Variants in FREM2 observed in about 807,000 individuals in gnomAD.
FREM2 encodes FRAS1-related extracellular matrix protein 2.
FREM2 carries 119 observed loss-of-function variants against 219.9 expected under a neutral mutation model. The observed-to-expected ratio is 0.54, with a 90% CI of 0.47 to 0.63. The LOEUF (loss-of-function observed/expected upper bound fraction) is 0.63. FREM2 is among the 30% of genes least tolerant of loss of function. The pLI is 0.00. For missense variants in FREM2, 4,030 were observed against 3,993.6 expected, an observed-to-expected ratio of 1.01 and a Z score of -0.25; for synonymous variants, 1,562 against 1,522.8, an observed-to-expected ratio of 1.03 and a Z score of -0.60.
rs1352078531 is a variant in FREM2 at position 38,876,046 on chromosome 13, T to A, written c.8306T>A (p.Met2769Lys). The A allele has an allele frequency of 6.2e-7, 1 of 1,613,932 alleles. No individual in the cohort carries two copies. The highest frequency in any genetic ancestry group is 2.2e-5 in the East Asian group (1 of 44,880). Residue 2769 changes from methionine to lysine, a missense_variant, in exon 19 of 24, where the codon ATG (methionine) becomes AAG (lysine). By Grantham distance (95) the Met-to-Lys change is moderately conservative (BLOSUM62 -1). Transcript: ENST00000280481. The part of the protein sequence containing the change: ...HPASFTSSVI[M>K]SADHPGLTFS... Reference sequence around the variant, plus strand: ...GCATCCTTTACAAGCTCAGTGATCATGTCAGCTGATCATCCAGGCCTGACA... The same window carrying A: ...GCATCCTTTACAAGCTCAGTGATCAAGTCAGCTGATCATCCAGGCCTGACA...
In FREM2 at chr13:38,688,376, A is replaced by G; in HGVS notation, c.1032A>G (p.Ala344=). The change falls in exon 1 of 24, where the codon GCA becomes GCG. Residue 344 remains alanine, a synonymous_variant. Transcript: ENST00000280481. ...CGGCCCTGACCCCAGACATGCTGGC[A>G]GCCGAGGATGCTGAGTCTCCCTCTG... ...VLTALTPDML[A]AEDAESPSDL... 1.2e-6 allele frequency: 2 copies of G among 1,614,132 alleles called. No individual in the cohort carries two copies. The highest frequency in any genetic ancestry group is 1.1e-5 in the South Asian group (1 of 91,084).
chr13:38,805,043 A>G (rs547988720), intron 6 of FREM2, among the ~76,000 whole-genome samples: 1 of 152,092 alleles, frequency 6.6e-6, no homozygotes, highest in Non-Finnish European at 1.5e-5. Context: ...TGAGTAACAA[A>G]TAATATGATC....
intron 18 of FREM2, among the ~76,000 whole-genome samples, chr13:38,875,222 A>G (rs1167358826): frequency 6.6e-6 from 1 of 151,506 alleles, no homozygotes; most frequent in African/African-American, 2.4e-5. Flanking sequence ...CCATATTACC[A>G]GTTTAGTAAC....
Position 38,881,541 on chromosome 13 carries a change from T to A in FREM2, c.*754T>A, listed in dbSNP as rs1485053504. 1.3e-5 allele frequency: 2 copies of A among 153,588 alleles called. No individual in the cohort carries two copies. The highest frequency in any genetic ancestry group is 2.9e-5 in the Non-Finnish European group (2 of 68,726). The allele number at this position is 153,588 out of a possible 1,614,324, so 9.5% of individuals were successfully genotyped here. A position where few individuals can be genotyped will look rare whatever the true frequency, so the allele number is the denominator to read the frequency against. ...ATATAGTGAGTAATGGTAGAGCTCTTGCATGGTAATATACCTTATTGGTGC... is the reference window on the plus strand; with the variant it reads ...ATATAGTGAGTAATGGTAGAGCTCTAGCATGGTAATATACCTTATTGGTGC... On this transcript the variant is annotated 3_prime_UTR_variant, in exon 24 of 24. Coordinates refer to ENST00000280481, the MANE Select transcript of FREM2 (RefSeq NM_207361.6).
At chr13:38,837,527 A>G (rs1443102778) in intron 6 of FREM2, among the ~76,000 whole-genome samples, 1 of 152,116 alleles carries the variant, frequency 6.6e-6, no homozygotes, top group African/African-American at 2.4e-5. Flanking sequence ...TCTGTCTAAT[A>G]TTGACAATGG....
intron 1 of FREM2, among the ~76,000 whole-genome samples, chr13:38,693,501 G>C (rs1050007300): frequency 3.3e-5 from 5 of 152,208 alleles, no homozygotes; most frequent in African/African-American, 1.2e-4. Flanking sequence ...GAAGGGAGAA[G>C]CCCATTCACT....
chr13:38,880,748 G>GC lies in FREM2; in HGVS notation c.9476dup (p.Gln3160ThrfsTer6), dbSNP rs1566177559. On this transcript the variant is annotated frameshift_variant, in exon 24 of 24. Transcript: ENST00000280481. LOFTEE classifies it high-confidence loss of function. ...GCTCCAGCAGCAGTGAGCCCATGGT[G>GC]CCCCCACAGAGCCATCACAATGACA... is the stretch of plus-strand genomic sequence containing the variant. 2 of 1,614,150 alleles carry GC rather than the reference G, an allele frequency of 1.2e-6. No homozygotes were observed. The highest frequency in any genetic ancestry group is 1.7e-6 in the Non-Finnish European group (2 of 1,180,034).
chr13:38,800,272 T>G (rs11616637), intron 6 of FREM2, among the ~76,000 whole-genome samples: 69,758 of 152,048 alleles, frequency 0.46, 17,448 homozygotes, highest in Non-Finnish European at 0.56. Context: ...ATCAGCATTT[T>G]CTTATCTAGG....
At chr13:38,861,603 A>C in intron 15 of FREM2, 41 bp downstream of exon 15, 1 of 1,604,186 alleles carries the variant, frequency 6.2e-7, no homozygotes, top group Non-Finnish European at 8.5e-7. Flanking sequence ...ATTGTTTTGG[A>C]CTCCTCATTA....
chr13:38,859,281 C>A lies in FREM2; in HGVS notation c.7216-6C>A. The stretch of plus-strand genomic sequence containing the variant: ...TGTTCCTAACACAGTCATTTGTTTT[C>A]CGTAGGCTTGCAACCCCAAATATTC... On this transcript the variant is annotated splice_region_variant and splice_polypyrimidine_tract_variant and intron_variant, in intron 13 of 23. Transcript: ENST00000280481. 1 of 1,613,920 alleles carries A rather than the reference C, an allele frequency of 6.2e-7. No homozygotes were observed. The highest frequency in any genetic ancestry group is 8.5e-7 in the Non-Finnish European group (1 of 1,179,824).
chr13:38,707,836 C>G (rs1870600355), intron 2 of FREM2, among the ~76,000 whole-genome samples: 1 of 152,182 alleles, frequency 6.6e-6, no homozygotes, highest in Non-Finnish European at 1.5e-5. Context: ...AAGTGCATTG[C>G]ATCACTGCTA....
In FREM2 at chr13:38,690,102, G is replaced by A; in HGVS notation, c.2758G>A (p.Asp920Asn). ...TGATAGCTGCTCCTTGGAAGTCAGTGACAGACATCATGTGGTGCCCATCAC... is the reference window on the plus strand; with the variant it reads ...TGATAGCTGCTCCTTGGAAGTCAGTAACAGACATCATGTGGTGCCCATCAC... ...LTDSCSLEVS[D>N]RHHVVPITLR... The change falls in exon 1 of 24, where the codon GAC becomes AAC. Residue 920 changes from aspartate to asparagine, a missense_variant. Physicochemically the swap from Asp to Asn is conservative, Grantham distance 23 (BLOSUM62 1). Around this residue, in one of 2 missense-constraint regions of FREM2, gnomAD observed 3,102 missense variants for 2,950.7 expected, o/e 1.05. Coordinates refer to ENST00000280481, the MANE Select transcript of FREM2 (RefSeq NM_207361.6). 1 of 1,614,132 alleles carries A rather than the reference G, an allele frequency of 6.2e-7. No individual in the cohort carries two copies. The highest frequency in any genetic ancestry group is 8.5e-7 in the Non-Finnish European group (1 of 1,180,042).
At chr13:38,850,819 C>T in intron 9 of FREM2, 125 bp from the exon 10 acceptor site, 1 of 1,055,370 alleles carries the variant, frequency 9.5e-7, no homozygotes, top group East Asian at 2.4e-5. Context: ...TTATTGCATG[C>T]CAAACACTAT....
Position 38,754,892 on chromosome 13 carries a change from G to GATTATTATTATT in FREM2, c.5264-9410_5264-9409insTATTATTATTAT, listed in dbSNP as rs1380525716. Among the ~76,000 whole-genome samples, 288 of 76,676 alleles carry GATTATTATTATT rather than the reference G, an allele frequency of 3.8e-3. 1 individual carries two copies. Among genetic ancestry groups the GATTATTATTATT allele is most frequent in the African/African-American group, 9.2e-3 (191 of 20,866 alleles). 50.3% of individuals were successfully genotyped at this position (76,676 alleles called of 152,430 possible). The stretch of plus-strand genomic sequence containing the variant: ...TGATGATGATGATGATGATGATGAT[G>GATTATTATTATT]ATGATGATGATTATTATTATTATTA... On this transcript the variant is annotated intron_variant, in intron 2 of 23. Coordinates refer to ENST00000280481, the MANE Select transcript of FREM2 (RefSeq NM_207361.6).
chr13:38,869,505 C>T (rs1320262871), intron 16 of FREM2, among the ~76,000 whole-genome samples: 1 of 152,186 alleles, frequency 6.6e-6, no homozygotes, highest in Non-Finnish European at 1.5e-5. Context: ...AGACATGAAG[C>T]TTACGGAGGA....
At chr13:38,773,153 A>C (rs1307964079) in intron 4 of FREM2, among the ~76,000 whole-genome samples, 2 of 152,214 alleles carry the variant, frequency 1.3e-5, no homozygotes, top group African/African-American at 4.8e-5. Flanking sequence ...TATTTAATAC[A>C]TCAGTGTCTA....
chr13:38,745,659 T>C (rs1178475301), intron 2 of FREM2, among the ~76,000 whole-genome samples: 1 of 152,156 alleles, frequency 6.6e-6, no homozygotes, highest in Non-Finnish European at 1.5e-5. Flanking sequence ...TAGAAAACAG[T>C]TGGCTTTTAT....
At chr13:38,781,696 A>G (rs1418777896) in intron 4 of FREM2, among the ~76,000 whole-genome samples, 1 of 152,228 alleles carries the variant, frequency 6.6e-6, no homozygotes, top group Non-Finnish European at 1.5e-5. Flanking sequence ...GAGAAAACAA[A>G]TAGCACACTG....
chr13:38,749,668 C>G (rs576564202), intron 2 of FREM2, among the ~76,000 whole-genome samples: 46 of 152,082 alleles, frequency 3.0e-4, no homozygotes, highest in African/African-American at 1.1e-3. Flanking sequence ...CAGTAACACC[C>G]CCTGCCTTGC....
Sources: allele counts gnomAD v4.1 joint callset (sites outside exome capture counted in the v4.1 genomes callset), GRCh38; gene constraint gnomAD v4.1.1; regional missense constraint gnomAD v4.1.1; transcripts MANE v1.5; gene names NCBI Gene and HGNC (gene_info 2026-07-23, HGNC 2026-07-21).